Variants in TBC1D22A observed in about 807,000 individuals in gnomAD.
The protein encoded by TBC1D22A is putative GTPase activator.
TBC1D22A carries 38 observed loss-of-function variants against 60.2 expected under a neutral mutation model. That is an observed-to-expected ratio of 0.63 (90% CI 0.49 to 0.83). The LOEUF (loss-of-function observed/expected upper bound fraction) is 0.83, where lower values mean the gene tolerates loss of function less well. TBC1D22A is among the 40% of genes least tolerant of loss of function. The probability of loss-of-function intolerance (pLI) is 0.00; values close to 1 mark genes in which losing one functional copy is unlikely to be tolerated. For missense variants in TBC1D22A, 628 were observed against 701.0 expected (o/e 0.90, Z 1.18); for synonymous variants, 302 against 281.7 (o/e 1.07, Z -0.72).
At chr22:46,823,104 A>C (rs986381153) in intron 4 of TBC1D22A, among the ~76,000 whole-genome samples, 1 of 152,150 alleles carries the variant, frequency 6.6e-6, no homozygotes, top group Non-Finnish European at 1.5e-5. Flanking sequence ...CTGCAATTTG[A>C]AATCCAAAGC....
chr22:46,964,470 A>G (rs748871904), intron 8 of TBC1D22A, among the ~76,000 whole-genome samples: 29 of 151,956 alleles, frequency 1.9e-4, no homozygotes, highest in Non-Finnish European at 3.8e-4. Flanking sequence ...TCAGTGGATC[A>G]TGTTTCTTTT....
At chr22:46,845,121 C>T (rs557380070) in intron 4 of TBC1D22A, among the ~76,000 whole-genome samples, 5 of 152,202 alleles carry the variant, frequency 3.3e-5, no homozygotes, top group South Asian at 2.1e-4. Flanking sequence ...TTTGGTGAGA[C>T]GAGGAATGTC....
intron 12 of TBC1D22A, among the ~76,000 whole-genome samples, chr22:47,157,798 C>T (rs542237517): frequency 1.3e-5 from 2 of 152,314 alleles, no homozygotes; most frequent in Non-Finnish European, 2.9e-5. Context: ...CAGTGGGGAT[C>T]TGTCTGGAGG....
intron 10 of TBC1D22A, among the ~76,000 whole-genome samples, chr22:47,001,557 T>G (rs1297727541): frequency 6.6e-6 from 1 of 152,042 alleles, no homozygotes; most frequent in Non-Finnish European, 1.5e-5. Context: ...ATTGGTTTCA[T>G]TATATGTCGT....
intron 12 of TBC1D22A, among the ~76,000 whole-genome samples, chr22:47,152,634 C>T (rs1483792814): frequency 6.6e-6 from 1 of 152,260 alleles, no homozygotes; most frequent in Non-Finnish European, 1.5e-5. Flanking sequence ...TGGTGGCTCT[C>T]CTTGCTTATG....
intron 4 of TBC1D22A, among the ~76,000 whole-genome samples, chr22:46,812,602 T>C (rs2085428707): frequency 6.6e-6 from 1 of 152,108 alleles, no homozygotes; most frequent in African/African-American, 2.4e-5. Flanking sequence ...GTGGCTTTGG[T>C]TTAGCTCGAT....
At chr22:46,815,325 T>TGCAA (rs1396792241) in intron 4 of TBC1D22A, among the ~76,000 whole-genome samples, 1 of 152,144 alleles carries the variant, frequency 6.6e-6, no homozygotes, top group Non-Finnish European at 1.5e-5. Context: ...GCTGGCCCCA[T>TGCAA]GCAGTTTGAT....
intron 4 of TBC1D22A, among the ~76,000 whole-genome samples, chr22:46,840,843 C>T (rs536041837): frequency 9.5e-4 from 145 of 151,842 alleles, no homozygotes; most frequent in African/African-American, 3.3e-3. Context: ...TTATGGAAAA[C>T]GGTATGGAGG....
chr22:47,084,000 G>A (rs1030737036), intron 11 of TBC1D22A, among the ~76,000 whole-genome samples: 3 of 152,210 alleles, frequency 2.0e-5, no homozygotes, highest in African/African-American at 7.2e-5. Flanking sequence ...AGGAGTGATA[G>A]TATTTGGATT....
rs565789878 is a variant in TBC1D22A at position 46,815,396 on chromosome 22, T to G, written c.637+17776T>G. 2.0e-5 allele frequency among the ~76,000 whole-genome samples: 3 copies of G among 152,358 alleles called. No individual in the cohort carries two copies. The East Asian group carries it at 5.8e-4, about 29-fold the overall frequency. ...TTCCTCTGTATCAGTGTTTTTGAAT[T>G]GAAGTGCCCCTGGGCACAGAGTCCT... On this transcript the variant is annotated intron_variant, in intron 4 of 12. Coordinates refer to ENST00000337137, the MANE Select transcript of TBC1D22A (RefSeq NM_014346.5).
intron 12 of TBC1D22A, among the ~76,000 whole-genome samples, chr22:47,137,459 A>G (rs2066917109): frequency 6.6e-6 from 1 of 152,120 alleles, no homozygotes; most frequent in Non-Finnish European, 1.5e-5. Context: ...GGAGCCGAGG[A>G]CATCCTGCAC....
intron 4 of TBC1D22A, among the ~76,000 whole-genome samples, chr22:46,847,972 C>T (rs1388526042): frequency 6.8e-6 from 1 of 147,076 alleles, no homozygotes; most frequent in Non-Finnish European, 1.5e-5. Flanking sequence ...CGCACGCGCT[C>T]TACACAGTAA....
At chr22:46,924,458 A>G (rs2070931753) in intron 8 of TBC1D22A, among the ~76,000 whole-genome samples, 1 of 152,260 alleles carries the variant, frequency 6.6e-6, no homozygotes, top group Non-Finnish European at 1.5e-5. Context: ...ACTTAAGAAC[A>G]TTAAGAATAT....
chr22:46,904,885 C>T (rs1355418705), intron 7 of TBC1D22A, among the ~76,000 whole-genome samples: 1 of 151,902 alleles, frequency 6.6e-6, no homozygotes, highest in Non-Finnish European at 1.5e-5. Context: ...CGCCATTCTT[C>T]TGCCTCAGCC....
intron 8 of TBC1D22A, among the ~76,000 whole-genome samples, chr22:46,931,832 T>C (rs2071369033): frequency 6.6e-6 from 1 of 152,260 alleles, no homozygotes; most frequent in Non-Finnish European, 1.5e-5. Context: ...TCTCCATTCC[T>C]GGCTGCTGTT....
At chr22:46,798,779 G>C (rs1259705665) in intron 4 of TBC1D22A, among the ~76,000 whole-genome samples, 2 of 152,262 alleles carry the variant, frequency 1.3e-5, no homozygotes, top group Non-Finnish European at 1.5e-5. Flanking sequence ...TTGGCCAGGA[G>C]GTGGCGAGTG....
rs543758416 is a variant in TBC1D22A, at chr22:46,877,120, G to A, written c.638-1533G>A. On this transcript the variant is annotated intron_variant, in intron 4 of 12. Transcript: ENST00000337137. Reference sequence around the variant, plus strand: ...GGAAGGGACGTAGTGGACAGACCCTGGTATTGAAGGTTGCTTAGTTCCTGT... The same window carrying A: ...GGAAGGGACGTAGTGGACAGACCCTAGTATTGAAGGTTGCTTAGTTCCTGT... Among the ~76,000 whole-genome samples the A allele has an allele frequency of 8.1e-4, 124 of 152,342 alleles. 1 individual carries two copies. The highest frequency in any genetic ancestry group is 2.9e-3 in the African/African-American group (121 of 41,570).
At chr22:46,905,609 C>T (rs915825907) in intron 7 of TBC1D22A, among the ~76,000 whole-genome samples, 4 of 152,296 alleles carry the variant, frequency 2.6e-5, no homozygotes, top group Middle Eastern at 3.4e-3. Flanking sequence ...GGGGGACAGG[C>T]GGGGCCTCTG....
At chr22:46,790,978 A>C (rs1055875295) in intron 1 of TBC1D22A, among the ~76,000 whole-genome samples, 9 of 152,202 alleles carry the variant, frequency 5.9e-5, no homozygotes, top group Non-Finnish European at 1.5e-5. Flanking sequence ...ATTGGAGTGC[A>C]GTGGTGCATT....
Sources: gnomAD v4.1 joint callset for allele counts (sites outside exome capture counted in the v4.1 genomes callset) on GRCh38, gnomAD v4.1.1 for gene constraint, MANE v1.5 for transcripts, NCBI Gene and HGNC (gene_info 2026-07-23, HGNC 2026-07-21) for gene names.